The following GRID2 variants were observed in gnomAD, a reference collection of about 807,000 sequenced individuals.
GRID2 encodes the protein glutamate ionotropic receptor delta type subunit 2, also known as glutamate receptor ionotropic, delta-2.
In GRID2, 33 loss-of-function variants were observed where a neutral mutation model predicts 114.8. That is an observed-to-expected ratio of 0.29 (90% CI 0.22 to 0.38). GRID2 has a LOEUF of 0.38. Ranked by LOEUF, GRID2 falls within the 10% of genes least tolerant of loss-of-function variation. The pLI is 1.00. For synonymous variants in GRID2, 505 were observed against 449.9 expected, an observed-to-expected ratio of 1.12 and a Z score of -1.55; for missense variants, 1,184 against 1,257.7, an observed-to-expected ratio of 0.94 and a Z score of 0.89.
intron 2 of GRID2, among the ~76,000 whole-genome samples, chr4:92,993,732 T>C (rs1045108601): frequency 4.6e-5 from 7 of 152,334 alleles, no homozygotes; most frequent in Admixed American, 3.3e-4. Flanking sequence ...CTACAGAGCA[T>C]TGAATTAACT....
At chr4:92,458,208 A>C (rs1427168405) in intron 1 of GRID2, among the ~76,000 whole-genome samples, 1 of 152,190 alleles carries the variant, frequency 6.6e-6, no homozygotes, top group African/African-American at 2.4e-5. Flanking sequence ...AGGGAAGCTA[A>C]ATTTTGCAAA....
chr4:92,926,290 G>A (rs1240291394), intron 2 of GRID2, among the ~76,000 whole-genome samples: 3 of 151,942 alleles, frequency 2.0e-5, no homozygotes, highest in Non-Finnish European at 2.9e-5. Flanking sequence ...TTACGGTTAT[G>A]TAGACATTCT....
intron 1 of GRID2, among the ~76,000 whole-genome samples, chr4:92,355,135 A>G (rs1298541082): frequency 6.6e-6 from 1 of 151,890 alleles, no homozygotes; most frequent in Non-Finnish European, 1.5e-5. Flanking sequence ...ATTTGTTTTC[A>G]TGCTTATCAT....
intron 1 of GRID2, among the ~76,000 whole-genome samples, chr4:92,582,760 A>T (rs1472706815): frequency 6.6e-6 from 1 of 151,814 alleles, no homozygotes; most frequent in Non-Finnish European, 1.5e-5. Flanking sequence ...TTCTCAAGTG[A>T]GGAACACTTG....
intron 14 of GRID2, among the ~76,000 whole-genome samples, chr4:93,696,555 TC>T (rs1415803968): frequency 6.6e-6 from 1 of 152,174 alleles, no homozygotes; most frequent in African/African-American, 2.4e-5. Flanking sequence ...GAAACTAAAA[TC>T]TTTTTTTGTA....
intron 14 of GRID2, among the ~76,000 whole-genome samples, chr4:93,677,501 C>A (rs542640336): frequency 1.3e-5 from 2 of 152,288 alleles, no homozygotes; most frequent in South Asian, 2.1e-4. Flanking sequence ...GACCCCTGAC[C>A]CCCGAGCAGC....
At chr4:92,516,268 AAT>A (rs1724495548) in intron 1 of GRID2, among the ~76,000 whole-genome samples, 1 of 151,904 alleles carries the variant, frequency 6.6e-6, no homozygotes, top group Non-Finnish European at 1.5e-5. Flanking sequence ...TTTGGTTTAT[AAT>A]GTCATTCATG....
At chr4:92,417,344 A>G (rs1331751380) in intron 1 of GRID2, among the ~76,000 whole-genome samples, 1 of 152,198 alleles carries the variant, frequency 6.6e-6, no homozygotes, top group East Asian at 1.9e-4. Flanking sequence ...CCCAAAGACA[A>G]TTGTTATGGT....
rs181482667 is a variant in GRID2 at position 92,643,034 on chromosome 4, G to A, written c.244+52748G>A. 1.2e-3 allele frequency among the ~76,000 whole-genome samples: 188 copies of A among 151,822 alleles called. 1 individual carries two copies. The highest frequency in any genetic ancestry group is 4.2e-3 in the African/African-American group (173 of 41,478). On this transcript the variant is annotated intron_variant, in intron 2 of 15. Transcript: ENST00000282020. ...ATAGTTTGACGTTAAGTAATGTGAT[G>A]CATCTAGCTTTATTCTTCTTGCTTG...
intron 8 of GRID2, among the ~76,000 whole-genome samples, chr4:93,325,689 A>G (rs1757754737): frequency 7.0e-6 from 1 of 143,742 alleles, no homozygotes; most frequent in Non-Finnish European, 1.5e-5. Context: ...TTTTAGTCAT[A>G]TTTCAATTTC....
intron 8 of GRID2, among the ~76,000 whole-genome samples, chr4:93,354,411 A>G (rs1379465586): frequency 6.6e-6 from 1 of 152,070 alleles, no homozygotes; most frequent in African/African-American, 2.4e-5. Flanking sequence ...TTGTCAAGCT[A>G]CAGAAAGGAC....
intron 2 of GRID2, among the ~76,000 whole-genome samples, chr4:92,892,776 A>C (rs758110025): frequency 3.3e-5 from 5 of 152,204 alleles, no homozygotes; most frequent in Admixed American, 3.3e-4. Flanking sequence ...ATAAAATAGT[A>C]TGTGGTCTTG....
intron 1 of GRID2, among the ~76,000 whole-genome samples, chr4:92,391,326 G>A (rs531980560): frequency 8.2e-4 from 125 of 151,968 alleles, no homozygotes; most frequent in Non-Finnish European, 1.5e-3. Flanking sequence ...ACGACTTCAT[G>A]GTTACTTTCA....
At chr4:93,570,389 G>A (rs1735828114) in intron 13 of GRID2, among the ~76,000 whole-genome samples, 5 of 152,134 alleles carry the variant, frequency 3.3e-5, no homozygotes, top group African/African-American at 9.7e-5. Flanking sequence ...GGTTGATATT[G>A]AGGAAGGAGA....
chr4:92,924,493 A>C (rs2149511683), intron 2 of GRID2, among the ~76,000 whole-genome samples: 1 of 152,244 alleles, frequency 6.6e-6, no homozygotes, highest in East Asian at 1.9e-4. Flanking sequence ...TCTGAAATTA[A>C]GTTTTGTTTG....
chr4:93,189,760 C>A (rs537868907), intron 4 of GRID2, among the ~76,000 whole-genome samples: 2 of 137,688 alleles, frequency 1.5e-5, no homozygotes, highest in South Asian at 2.4e-4. Flanking sequence ...AACAACAACA[C>A]CACCACACCA....
At chr4:93,499,748 G>C (rs938110977) in intron 12 of GRID2, among the ~76,000 whole-genome samples, 2 of 151,888 alleles carry the variant, frequency 1.3e-5, no homozygotes, top group African/African-American at 2.4e-5. Flanking sequence ...GTATGAATAA[G>C]AGCAGCTAAT....
chr4:92,913,843 G>C (rs1291913635), intron 2 of GRID2, among the ~76,000 whole-genome samples: 1 of 151,894 alleles, frequency 6.6e-6, no homozygotes, highest in Non-Finnish European at 1.5e-5. Context: ...TTCTATAAAA[G>C]GAAATTCCTC....
chr4:92,696,870 T>C (rs1579862031), intron 2 of GRID2, among the ~76,000 whole-genome samples: 1 of 152,150 alleles, frequency 6.6e-6, no homozygotes, highest in African/African-American at 2.4e-5. Context: ...GGTACAACAA[T>C]AAAAAATCTT....
Sources: allele counts gnomAD v4.1 joint callset (sites outside exome capture counted in the v4.1 genomes callset), GRCh38; gene constraint gnomAD v4.1.1; transcripts MANE v1.5; gene names NCBI Gene and HGNC (gene_info 2026-07-23, HGNC 2026-07-21).